Variants in ARHGAP24 observed in about 807,000 individuals in gnomAD.
The protein encoded by ARHGAP24 is rho GTPase-activating protein 24.
In ARHGAP24, 50 loss-of-function variants were observed where a neutral mutation model predicts 76.4. The ratio of observed to expected loss-of-function variants is 0.65; its 90% CI spans 0.52 to 0.83. The LOEUF (loss-of-function observed/expected upper bound fraction) is 0.83. Ranked by LOEUF, ARHGAP24 falls within the 40% of genes least tolerant of loss-of-function variation. The pLI is 0.00. For synonymous variants in ARHGAP24, 345 were observed against 323.3 expected (o/e 1.07, Z -0.72); for missense variants, 930 against 914.2 (o/e 1.02, Z -0.22).
chr4:85,916,426 C>G (rs904260622), intron 3 of ARHGAP24, among the ~76,000 whole-genome samples: 2 of 151,998 alleles, frequency 1.3e-5, no homozygotes, highest in Non-Finnish European at 2.9e-5. Context: ...TCTGAATATC[C>G]TTGTTAATTT....
intron 2 of ARHGAP24, among the ~76,000 whole-genome samples, chr4:85,572,650 A>G (rs1460560649): frequency 4.6e-5 from 7 of 152,140 alleles, no homozygotes; most frequent in Non-Finnish European, 1.0e-4. Context: ...TTTTTACATT[A>G]GCATGTTACT....
At chr4:85,884,368 C>A (rs1030746674) in intron 3 of ARHGAP24, among the ~76,000 whole-genome samples, 2 of 152,180 alleles carry the variant, frequency 1.3e-5, no homozygotes, top group Admixed American at 1.3e-4. Flanking sequence ...TAAACCACTT[C>A]AAAGCCTGTC....
intron 3 of ARHGAP24, among the ~76,000 whole-genome samples, chr4:85,805,155 G>A (rs1184333674): frequency 6.6e-6 from 1 of 152,120 alleles, no homozygotes; most frequent in African/African-American, 2.4e-5. Context: ...ATATCATCTT[G>A]ATACTTTCGT....
intron 3 of ARHGAP24, among the ~76,000 whole-genome samples, chr4:85,781,912 C>G (rs1390488735): frequency 6.6e-6 from 1 of 151,794 alleles, no homozygotes; most frequent in Non-Finnish European, 1.5e-5. Context: ...TGGCGCATGT[C>G]TGTAATCCCA....
rs186737197 is a variant in ARHGAP24, at chr4:85,810,186, T to G, written c.268+88214T>G. Among the ~76,000 whole-genome samples, 78 of 152,342 alleles carry G rather than the reference T, an allele frequency of 5.1e-4. No homozygotes were observed. In the East Asian group the frequency reaches 5.4e-3, roughly 11 times the overall value. ...CTTTCATGTAAGTCAATTACCAACT[T>G]TGTTAGACAATATCTTCTTCATCTT... On this transcript the variant is annotated intron_variant, in intron 3 of 9. Coordinates refer to ENST00000395184, the MANE Select transcript of ARHGAP24 (RefSeq NM_001025616.3).
chr4:85,871,630 T>C (rs568866962), intron 3 of ARHGAP24, among the ~76,000 whole-genome samples: 1 of 152,176 alleles, frequency 6.6e-6, no homozygotes, highest in Non-Finnish European at 1.5e-5. Context: ...GAAAGTGTGA[T>C]GGTTGGTAAA....
At chr4:85,854,841 G>A (rs553689789) in intron 3 of ARHGAP24, among the ~76,000 whole-genome samples, 1 of 152,248 alleles carries the variant, frequency 6.6e-6, no homozygotes, top group South Asian at 2.1e-4. Context: ...ATTTGTCCCA[G>A]CACCTAACAG....
At position 85,670,225 on chromosome 4, in the gene ARHGAP24, T is replaced by A. The variant is rs145263733; in HGVS notation, c.181-51660T>A. 1.5e-3 allele frequency among the ~76,000 whole-genome samples: 235 copies of A among 152,288 alleles called. 1 individual carries two copies. Among genetic ancestry groups the A allele is most frequent in the African/African-American group, 5.3e-3 (222 of 41,574 alleles). ...GCAAAGACAGAAAAGGAGATTAGGA[T>A]GTGAGAAAAATTCTCTTAGGTTGCC... On this transcript the variant is annotated intron_variant, in intron 2 of 9. Coordinates refer to ENST00000395184, the MANE Select transcript of ARHGAP24 (RefSeq NM_001025616.3).
chr4:85,864,565 C>T (rs1376233688), intron 3 of ARHGAP24, among the ~76,000 whole-genome samples: 1 of 151,590 alleles, frequency 6.6e-6, no homozygotes, highest in Admixed American at 6.6e-5. Context: ...GACCTGATGC[C>T]AAACTTATGA....
chr4:85,845,965 G>A (rs942107361), intron 3 of ARHGAP24, among the ~76,000 whole-genome samples: 2 of 151,902 alleles, frequency 1.3e-5, no homozygotes, highest in Admixed American at 6.6e-5. Context: ...GAGTGCAATG[G>A]CGCGATCTCG....
At chr4:85,958,876 T>G (rs972729399) in intron 5 of ARHGAP24, among the ~76,000 whole-genome samples, 3 of 152,196 alleles carry the variant, frequency 2.0e-5, no homozygotes, top group Non-Finnish European at 2.9e-5. Context: ...TCTCTATAGA[T>G]TTTTCCTTTT....
intron 2 of ARHGAP24, among the ~76,000 whole-genome samples, chr4:85,595,372 TA>T (rs1719766825): frequency 6.6e-6 from 1 of 152,060 alleles, no homozygotes; most frequent in African/African-American, 2.4e-5. Flanking sequence ...CACTCAACTA[TA>T]AACAAGTCAG....
chr4:85,506,896 T>TG, intron 1 of ARHGAP24, among the ~76,000 whole-genome samples: 1 of 9,398 alleles, frequency 1.1e-4, no homozygotes, highest in East Asian at 8.3e-3. Flanking sequence ...CTAAGCCTTT[T>TG]TTTTTCCCCC....
intron 3 of ARHGAP24, among the ~76,000 whole-genome samples, chr4:85,911,040 C>T (rs1238914098): frequency 6.6e-6 from 1 of 152,190 alleles, no homozygotes; most frequent in African/African-American, 2.4e-5. Flanking sequence ...CATTTCCGAG[C>T]CTGTGAGGGC....
intron 2 of ARHGAP24, among the ~76,000 whole-genome samples, chr4:85,632,502 A>G (rs1721188274): frequency 6.6e-6 from 1 of 152,166 alleles, no homozygotes; most frequent in Non-Finnish European, 1.5e-5. Context: ...TGGATTTTAT[A>G]TAATAACAAG....
intron 3 of ARHGAP24, among the ~76,000 whole-genome samples, chr4:85,816,618 CG>C (rs1241482651): frequency 3.9e-5 from 6 of 152,060 alleles, no homozygotes; most frequent in Admixed American, 3.3e-4. Context: ...TAACTATGAT[CG>C]TATGGTCATT....
intron 2 of ARHGAP24, among the ~76,000 whole-genome samples, chr4:85,660,362 C>G (rs1722331008): frequency 6.6e-6 from 1 of 152,012 alleles, no homozygotes; most frequent in Non-Finnish European, 1.5e-5. Flanking sequence ...TTAAAAGTAG[C>G]TTTAAAATGT....
chr4:85,667,479 G>C (rs898558524), intron 2 of ARHGAP24, among the ~76,000 whole-genome samples: 1 of 152,094 alleles, frequency 6.6e-6, no homozygotes, highest in Non-Finnish European at 1.5e-5. Context: ...GGCCTGCTTT[G>C]GCTCACACAC....
chr4:85,946,879 A>C (rs548753908), intron 5 of ARHGAP24, among the ~76,000 whole-genome samples: 2 of 152,246 alleles, frequency 1.3e-5, no homozygotes, highest in African/African-American at 4.8e-5. Flanking sequence ...ATAGTGGTTC[A>C]ACTCTCACTT....
Sources: gnomAD v4.1 joint callset for allele counts (sites outside exome capture counted in the v4.1 genomes callset) on GRCh38, gnomAD v4.1.1 for gene constraint, MANE v1.5 for transcripts, NCBI Gene and HGNC (gene_info 2026-07-23, HGNC 2026-07-21) for gene names.